The following ABAT variants were observed in gnomAD, a reference collection of about 807,000 sequenced individuals.
ABAT encodes the protein 4-aminobutyrate aminotransferase, mitochondrial.
Under a neutral mutation model 64.6 loss-of-function variants are expected in ABAT, and 45 were observed. The ratio of observed to expected loss-of-function variants is 0.70; its 90% CI spans 0.55 to 0.89. The LOEUF (loss-of-function observed/expected upper bound fraction) is 0.89. ABAT is among the 40% of genes least tolerant of loss of function. ABAT has a pLI of 0.00. For missense variants in ABAT, 633 were observed against 658.4 expected, an observed-to-expected ratio of 0.96 and a Z score of 0.42; for synonymous variants, 297 against 250.5, an observed-to-expected ratio of 1.19 and a Z score of -1.75.
chr16:8,768,865 C>T lies in ABAT; in HGVS notation c.708C>T (p.Ile236=), dbSNP rs778110660. Residue 236 remains isoleucine (I), a synonymous_variant, in exon 11 of 16, where the codon ATC becomes ATT. Coordinates refer to ENST00000268251, the MANE Select transcript of ABAT (RefSeq NM_020686.6). The part of the protein sequence containing the change: ...ATTHSKAIHK[I]DIPSFDWPIA... ...CGCACTCTAAAGCCATTCACAAGAT[C>T]GACATCCCTTCCTTTGACTGGCCCA... The T allele has an allele frequency of 2.7e-5, 44 of 1,614,086 alleles. 1 individual carries two copies. Among genetic ancestry groups the T allele is most frequent in the South Asian group, 2.3e-4 (21 of 91,084 alleles).
chr16:8,703,758 G>C (rs965739381), intron 1 of ABAT, among the ~76,000 whole-genome samples: 1 of 152,174 alleles, frequency 6.6e-6, no homozygotes, highest in African/African-American at 2.4e-5. Context: ...TGAAGGCTTG[G>C]AATGCCTACA....
At chr16:8,779,109 C>T (rs1285517436) in intron 14 of ABAT, among the ~76,000 whole-genome samples, 1 of 152,192 alleles carries the variant, frequency 6.6e-6, no homozygotes, top group African/African-American at 2.4e-5. Flanking sequence ...ACATGTGAAC[C>T]TTATCGTGCT....
At chr16:8,693,569 C>T (rs569277196) in intron 1 of ABAT, among the ~76,000 whole-genome samples, 2 of 152,112 alleles carry the variant, frequency 1.3e-5, no homozygotes, top group South Asian at 2.1e-4. Context: ...CCCGGGTTCA[C>T]GTGATCCTCA....
intron 1 of ABAT, among the ~76,000 whole-genome samples, chr16:8,723,829 T>TATATATATATATATATATA (rs2058453493): frequency 5.7e-5 from 1 of 17,562 alleles, no homozygotes; most frequent in African/African-American, 2.7e-4. Context: ...ATATATATAT[T>TATATATATATATATATATA]TTTTTTTTTT....
At chr16:8,779,085 A>G (rs76613993) in intron 14 of ABAT, among the ~76,000 whole-genome samples, 11,177 of 152,274 alleles carry the variant, frequency 0.073, 507 homozygotes, top group Middle Eastern at 0.13. Context: ...GCCCAGCCCC[A>G]GGCTTAGGAC....
intron 1 of ABAT, among the ~76,000 whole-genome samples, chr16:8,719,259 C>T (rs180682184): frequency 1.3e-5 from 2 of 152,340 alleles, no homozygotes; most frequent in East Asian, 1.9e-4. Context: ...CGGGTAGCTA[C>T]TTCAGCATGG....
intron 2 of ABAT, among the ~76,000 whole-genome samples, chr16:8,738,823 T>G (rs990231609): frequency 1.3e-5 from 2 of 152,032 alleles, no homozygotes; most frequent in Non-Finnish European, 2.9e-5. Flanking sequence ...TTTTATATTT[T>G]TTGTAGAGAC....
chr16:8,695,835 A>G (rs1236943038), intron 1 of ABAT, among the ~76,000 whole-genome samples: 2 of 152,228 alleles, frequency 1.3e-5, no homozygotes, highest in Non-Finnish European at 2.9e-5. Flanking sequence ...ACACCAGCTC[A>G]ATGCCAGTTC....
At chr16:8,723,809 T>TA (rs2058445970) in intron 1 of ABAT, among the ~76,000 whole-genome samples, 26 of 44,820 alleles carry the variant, frequency 5.8e-4, no homozygotes, top group South Asian at 3.2e-3. Flanking sequence ...TCCAAGCTTT[T>TA]TATATATATA....
chr16:8,752,002 G>A (rs9673595), intron 5 of ABAT, among the ~76,000 whole-genome samples: 4,064 of 152,312 alleles, frequency 0.027, 170 homozygotes, highest in African/African-American at 0.092. Flanking sequence ...CCCTTCACAG[G>A]TAATGCTGGT....
chr16:8,713,503 T>C (rs768603996), intron 1 of ABAT: 28 of 204,864 alleles, frequency 1.4e-4, no homozygotes, highest in Non-Finnish European at 2.5e-4. Context: ...GCATCCTGTT[T>C]CTGTCTGAAA....
chr16:8,775,045 C>G lies in ABAT; in HGVS notation c.1110C>G (p.Phe370Leu), dbSNP rs866470231. 20 of 1,614,218 alleles carry G rather than the reference C, an allele frequency of 1.2e-5. No individual in the cohort carries two copies. Among genetic ancestry groups the G allele is most frequent in the African/African-American group, 2.7e-5 (2 of 75,050 alleles). Residue 370 changes from phenylalanine to leucine, a missense_variant, in exon 13 of 16, where the codon TTC (phenylalanine) becomes TTG (leucine). Transcript: ENST00000268251. ...GGGGCTTCTTCCACAAGGAGGAGTT[C>G]AGGCCTAATGCTGTGAGTTGGAGCC... Reference protein sequence around the residue: ...MTGGFFHKEEFRPNAPYRIFN... With the variant: ...MTGGFFHKEELRPNAPYRIFN...
At chr16:8,754,193 A>AT (rs1482232109) in intron 5 of ABAT, among the ~76,000 whole-genome samples, 1 of 148,188 alleles carries the variant, frequency 6.7e-6, no homozygotes, top group African/African-American at 2.5e-5. Context: ...AAAAAAAAAA[A>AT]AAAAAAAAAA....
At chr16:8,706,075 G>A (rs181645063) in intron 1 of ABAT, among the ~76,000 whole-genome samples, 4 of 152,204 alleles carry the variant, frequency 2.6e-5, no homozygotes, top group Non-Finnish European at 4.4e-5. Context: ...TTGGGCATGT[G>A]CAGTCCATCT....
chr16:8,705,960 C>T (rs955290057), intron 1 of ABAT, among the ~76,000 whole-genome samples: 2 of 152,106 alleles, frequency 1.3e-5, no homozygotes, highest in African/African-American at 4.8e-5. Flanking sequence ...ATAGTTCTGT[C>T]CTTTGAGGGA....
intron 1 of ABAT, among the ~76,000 whole-genome samples, chr16:8,695,226 C>A (rs1191670383): frequency 6.6e-6 from 1 of 152,202 alleles, no homozygotes; most frequent in Non-Finnish European, 1.5e-5. Flanking sequence ...AGTGCTGAGT[C>A]TACAAGACAT....
chr16:8,755,140 G>T (rs1005672547), intron 5 of ABAT, among the ~76,000 whole-genome samples: 2 of 151,016 alleles, frequency 1.3e-5, no homozygotes, highest in African/African-American at 4.9e-5. Flanking sequence ...ATTCGTTTTT[G>T]TTTTTTTTTA....
At chr16:8,690,919 G>A (rs907117834) in intron 1 of ABAT, among the ~76,000 whole-genome samples, 17 of 152,190 alleles carry the variant, frequency 1.1e-4, no homozygotes, top group Non-Finnish European at 2.4e-4. Flanking sequence ...GGTTTTCAAG[G>A]TGGGAATTTG....
intron 5 of ABAT, chr16:8,757,293 G>A (rs1339574100): frequency 1.3e-5 from 5 of 389,884 alleles, no homozygotes; most frequent in East Asian, 7.4e-5. Context: ...TCAGCCCCCC[G>A]AGTACCTGGG....
Sources: gnomAD v4.1 joint callset for allele counts (sites outside exome capture counted in the v4.1 genomes callset) on GRCh38, gnomAD v4.1.1 for gene constraint, MANE v1.5 for transcripts, NCBI Gene and HGNC (gene_info 2026-07-23, HGNC 2026-07-21) for gene names.